The following ACSM3 variants were observed in gnomAD, a reference collection of about 807,000 sequenced individuals.
ACSM3 encodes the protein acyl-CoA synthetase medium chain family member 3.
In ACSM3, 61 loss-of-function variants were observed where a neutral mutation model predicts 74.1. That is an observed-to-expected ratio of 0.82 (90% CI 0.67 to 1.02). The LOEUF (loss-of-function observed/expected upper bound fraction) is 1.02. Ranked by LOEUF, ACSM3 falls within the 50% of genes least tolerant of loss-of-function variation. The pLI, the probability that ACSM3 is intolerant of heterozygous loss-of-function variation, is 0.00. For synonymous variants in ACSM3, 213 were observed against 241.5 expected, an observed-to-expected ratio of 0.88 and a Z score of 1.09; for missense variants, 660 against 697.0, an observed-to-expected ratio of 0.95 and a Z score of 0.60.
chr16:20,754,021 A>G (rs1352864598), intron 2 of ACSM3, among the ~76,000 whole-genome samples: 1 of 152,236 alleles, frequency 6.6e-6, no homozygotes, highest in African/African-American at 2.4e-5. Context: ...TCAAGTCCAC[A>G]GTGGAAAAGG....
intron 2 of ACSM3, among the ~76,000 whole-genome samples, chr16:20,752,334 G>A (rs1006670375): frequency 6.6e-6 from 1 of 151,958 alleles, no homozygotes; most frequent in Admixed American, 6.6e-5. Context: ...GTGAGACTCT[G>A]TCTCTCAAAA....
chr16:20,778,736 A>G (rs976114979), intron 4 of ACSM3, among the ~76,000 whole-genome samples: 1 of 151,964 alleles, frequency 6.6e-6, no homozygotes, highest in Non-Finnish European at 1.5e-5. Context: ...GATGGAAGTG[A>G]TAGGAACACA....
intron 3 of ACSM3, among the ~76,000 whole-genome samples, chr16:20,757,319 G>T (rs1384115874): frequency 4.7e-5 from 7 of 150,476 alleles, no homozygotes; most frequent in Non-Finnish European, 7.5e-5. Context: ...CTTGAGCAGT[G>T]GTTTGTAGTT....
In ACSM3 at chr16:20,737,244, G is replaced by T. The variant is rs754999351; in HGVS notation, c.-189-12666G>T. ...TACTACCACTGTGTACTGTGGATTG[G>T]TGAGATCCACTTTATTTTCTGAATT... On this transcript the variant is annotated intron_variant, in intron 1 of 3. Coordinates refer to the ACSM3 transcript ENST00000561584. 1.6e-5 allele frequency: 26 copies of T among 1,613,834 alleles called. No individual in the cohort carries two copies. The Admixed American group carries it at 4.3e-4, about 27-fold the overall frequency.
intron 8 of ACSM3, among the ~76,000 whole-genome samples, chr16:20,785,715 G>A (rs1160355751): frequency 6.6e-6 from 1 of 152,114 alleles, no homozygotes; most frequent in Admixed American, 6.5e-5. Flanking sequence ...TCTTTATAAT[G>A]CTTCAATTTA....
At chr16:20,773,446 G>A (rs1020780035) in intron 2 of ACSM3, among the ~76,000 whole-genome samples, 1 of 151,966 alleles carries the variant, frequency 6.6e-6, no homozygotes, top group Admixed American at 6.6e-5. Context: ...TGCATTCTTA[G>A]ATTGTTTATT....
intron 12 of ACSM3, among the ~76,000 whole-genome samples, chr16:20,795,814 G>A (rs1380178873): frequency 6.6e-6 from 1 of 152,222 alleles, no homozygotes; most frequent in African/African-American, 2.4e-5. Context: ...GGGGCTATGA[G>A]GGATGGCCTA....
rs1307079683 is a variant in ACSM3, at chr16:20,736,978, T to C, written c.-189-12932T>C. 2.5e-6 allele frequency: 4 copies of C among 1,613,980 alleles called. No individual in the cohort carries two copies. In the African/African-American group the frequency reaches 4.0e-5, roughly 16 times the overall value. On this transcript the variant is annotated intron_variant, in intron 1 of 3. Transcript: ENST00000561584. ...TCATTTACCACCTGTGGATTAGACG[T>C]TGGTTTTGTCTGCCCCAGCTCCTCA...
chr16:20,744,285 T>C (rs2079948949), intron 1 of ACSM3, among the ~76,000 whole-genome samples: 1 of 152,240 alleles, frequency 6.6e-6, no homozygotes. Flanking sequence ...ATTGGATGTG[T>C]AAACAGACTG....
chr16:20,741,626 C>A, intron 1 of ACSM3: 3 of 1,574,056 alleles, frequency 1.9e-6, no homozygotes, highest in Admixed American at 1.8e-5. Context: ...CGGGCTCTAG[C>A]TGACGGGGCC....
chr16:20,777,265 GACTA>G (rs1387324123), intron 3 of ACSM3, 104 bp from the exon 4 acceptor site: 10 of 1,044,864 alleles, frequency 9.6e-6, no homozygotes, highest in East Asian at 7.7e-5. Context: ...CTGGTAAACT[GACTA>G]ACTCACTCTG....
chr16:20,696,493 T>C (rs2152347422), intron 1 of ACSM3, among the ~76,000 whole-genome samples: 1 of 152,368 alleles, frequency 6.6e-6, no homozygotes, highest in African/African-American at 2.4e-5. Flanking sequence ...CCACAAATTA[T>C]CTGAGTTATA....
chr16:20,683,806 G>C (rs2079497951), intron 1 of ACSM3, among the ~76,000 whole-genome samples: 1 of 151,368 alleles, frequency 6.6e-6, no homozygotes, highest in South Asian at 2.1e-4. Flanking sequence ...CTGACCTCAT[G>C]ATCCACCCAC....
chr16:20,701,312 T>A (rs1190708541), intron 1 of ACSM3, among the ~76,000 whole-genome samples: 1 of 152,140 alleles, frequency 6.6e-6, no homozygotes, highest in Non-Finnish European at 1.5e-5. Context: ...TGTGGTTTTA[T>A]TTTTGTTCAA....
intron 1 of ACSM3, among the ~76,000 whole-genome samples, chr16:20,706,138 G>C (rs2079726947): frequency 6.6e-6 from 1 of 151,424 alleles, no homozygotes; most frequent in Non-Finnish European, 1.5e-5. Context: ...GAAAAAGACA[G>C]AAAAAATATT....
chr16:20,734,893 A>G (rs1466112540), intron 1 of ACSM3: 1 of 152,252 alleles, frequency 6.6e-6, no homozygotes, highest in Non-Finnish European at 1.5e-5. Flanking sequence ...AGCTGAGCAG[A>G]TTCAGAGACA....
chr16:20,698,758 C>T (rs1437760285), intron 1 of ACSM3: 1 of 152,206 alleles, frequency 6.6e-6, no homozygotes, highest in Non-Finnish European at 1.5e-5. Flanking sequence ...ATCTGCCCGC[C>T]TCAGCCTCCT....
At chr16:20,679,443 T>C (rs74011819) in intron 1 of ACSM3, 1 of 152,244 alleles carries the variant, frequency 6.6e-6, no homozygotes, top group African/African-American at 2.4e-5. Flanking sequence ...GGACCATCTC[T>C]AGATAAGTAA....
intron 1 of ACSM3, among the ~76,000 whole-genome samples, chr16:20,705,747 G>C (rs1396828546): frequency 6.6e-6 from 1 of 151,970 alleles, no homozygotes; most frequent in Non-Finnish European, 1.5e-5. Flanking sequence ...AAGAGAAAAA[G>C]AACATCAATG....
Sources: allele counts gnomAD v4.1 joint callset (sites outside exome capture counted in the v4.1 genomes callset), GRCh38; gene constraint gnomAD v4.1.1; transcripts MANE v1.5; gene names NCBI Gene and HGNC (gene_info 2026-07-23, HGNC 2026-07-21).